The following CDH12 variants were observed in gnomAD, a reference collection of about 807,000 sequenced individuals.
CDH12 encodes the protein cadherin-12.
In CDH12, 41 loss-of-function variants were observed where a neutral mutation model predicts 74.1. The observed-to-expected ratio is 0.55, with a 90% CI of 0.43 to 0.72. The LOEUF is 0.72. Among genes scored for constraint, CDH12 ranks in the 30% least tolerant of loss-of-function variants. The pLI is 0.00. For synonymous variants in CDH12, 399 were observed against 355.0 expected, an observed-to-expected ratio of 1.12 and a Z score of -1.39; for missense variants, 945 against 977.2, an observed-to-expected ratio of 0.97 and a Z score of 0.44.
chr5:21,796,982 CA>C (rs1746815438), intron 10 of CDH12, among the ~76,000 whole-genome samples: 1 of 152,024 alleles, frequency 6.6e-6, no homozygotes, highest in African/African-American at 2.4e-5. Context: ...AACAAATATA[CA>C]GCATTAGAAA....
chr5:22,321,388 G>A (rs367975552), intron 3 of CDH12, among the ~76,000 whole-genome samples: 3 of 144,162 alleles, frequency 2.1e-5, no homozygotes, highest in East Asian at 2.0e-4. Context: ...GTAAACTATC[G>A]CAAGAACAAA....
chr5:22,714,232 T>G (rs1743447065), intron 1 of CDH12, among the ~76,000 whole-genome samples: 1 of 152,208 alleles, frequency 6.6e-6, no homozygotes, highest in Admixed American at 6.5e-5. Flanking sequence ...CACTTGATTC[T>G]AACTAGGCTG....
chr5:21,768,387 C>T (rs1216306440), intron 11 of CDH12, among the ~76,000 whole-genome samples: 1 of 151,408 alleles, frequency 6.6e-6, no homozygotes, highest in South Asian at 2.1e-4. Flanking sequence ...GATTTAGAAC[C>T]TATTTCATTA....
At position 22,463,890 on chromosome 5, in the gene CDH12, C is replaced by A. The variant is rs192700933; in HGVS notation, c.-428+41380G>T. ...TAATCATATTTACTAATATCCCCTA[C>A]ATATTAGATTCTTCTTTTAGTCTGT... On this transcript the variant is annotated intron_variant, in intron 2 of 14. Coordinates refer to ENST00000382254, the MANE Select transcript of CDH12 (RefSeq NM_004061.5). 7.9e-5 allele frequency among the ~76,000 whole-genome samples: 12 copies of A among 152,270 alleles called. No individual in the cohort carries two copies. The East Asian group carries it at 1.9e-3, about 24-fold the overall frequency.
At position 22,828,049 on chromosome 5, in the gene CDH12, A is replaced by G. The variant is rs980511358; in HGVS notation, c.-523+25009T>C. Among the ~76,000 whole-genome samples the G allele has an allele frequency of 1.1e-4, 16 of 152,198 alleles. No individual in the cohort carries two copies. The South Asian group carries it at 1.4e-3, about 14-fold the overall frequency. On this transcript the variant is annotated intron_variant, in intron 1 of 14. Transcript: ENST00000382254. ...CTGAGAAAGTCCTATAATCTGGAGAAGACTACCGCATTTGGATTATACGGT... is the reference window on the plus strand; with the variant it reads ...CTGAGAAAGTCCTATAATCTGGAGAGGACTACCGCATTTGGATTATACGGT...
At chr5:22,388,506 T>C (rs1742097397) in intron 3 of CDH12, among the ~76,000 whole-genome samples, 1 of 152,044 alleles carries the variant, frequency 6.6e-6, no homozygotes. Context: ...AACAAGGACA[T>C]TAAATAAGAT....
intron 4 of CDH12, among the ~76,000 whole-genome samples, chr5:22,079,209 A>G (rs973811270): frequency 4.6e-5 from 7 of 152,184 alleles, no homozygotes; most frequent in African/African-American, 1.7e-4. Flanking sequence ...CATTATTGAC[A>G]TCTTAGGGTT....
intron 6 of CDH12, among the ~76,000 whole-genome samples, chr5:21,922,982 A>ATC (rs1188953796): frequency 7.9e-5 from 12 of 151,812 alleles, no homozygotes; most frequent in African/African-American, 2.7e-4. Context: ...CTATATCTAT[A>ATC]TATGGAGAGA....
At position 22,075,900 on chromosome 5, in the gene CDH12, T is replaced by A. The variant is rs543401584; in HGVS notation, c.231+2546A>T. 6.6e-5 allele frequency among the ~76,000 whole-genome samples: 10 copies of A among 152,230 alleles called. No homozygotes were observed. In the East Asian group the frequency reaches 1.9e-3, roughly 29 times the overall value. ...ATACTTTCCTTTTCTATGAGTAATC[T>A]CAAAGTCTTTCTGGAATGAGTGGAA... On this transcript the variant is annotated intron_variant, in intron 5 of 14. Coordinates refer to ENST00000382254, the MANE Select transcript of CDH12 (RefSeq NM_004061.5).
At chr5:22,065,894 G>C (rs1202791056) in intron 5 of CDH12, among the ~76,000 whole-genome samples, 1 of 152,142 alleles carries the variant, frequency 6.6e-6, no homozygotes, top group Admixed American at 6.6e-5. Flanking sequence ...TCTGGTATTG[G>C]CTAGGGGGTC....
At chr5:22,604,893 C>T (rs1737021530) in intron 1 of CDH12, among the ~76,000 whole-genome samples, 1 of 152,154 alleles carries the variant, frequency 6.6e-6, no homozygotes, top group Non-Finnish European at 1.5e-5. Context: ...GGCCATTGAC[C>T]CTAGAGGGCA....
At chr5:22,623,403 AT>A (rs1314649400) in intron 1 of CDH12, among the ~76,000 whole-genome samples, 2 of 152,236 alleles carry the variant, frequency 1.3e-5, no homozygotes, top group African/African-American at 4.8e-5. Context: ...ATGATTGTAT[AT>A]TTAGAAAACC....
intron 4 of CDH12, among the ~76,000 whole-genome samples, chr5:22,138,761 C>T (rs1746599643): frequency 6.9e-6 from 1 of 145,210 alleles, no homozygotes; most frequent in Non-Finnish European, 1.5e-5. Context: ...TAATTTTGGA[C>T]ATGACACATT....
intron 4 of CDH12, among the ~76,000 whole-genome samples, chr5:22,160,589 T>C (rs1302253740): frequency 1.3e-5 from 2 of 152,310 alleles, no homozygotes; most frequent in African/African-American, 2.4e-5. Flanking sequence ...GGATAGCTTA[T>C]AAACAACATA....
At chr5:22,787,671 C>T (rs533986971) in intron 1 of CDH12, among the ~76,000 whole-genome samples, 11 of 152,036 alleles carry the variant, frequency 7.2e-5, no homozygotes, top group African/African-American at 2.7e-4. Flanking sequence ...CTAAGGGCGC[C>T]TTTGGCTCAG....
chr5:22,785,514 G>GT lies in CDH12; in HGVS notation c.-523+67543dup, dbSNP rs199882331. 1.6e-3 allele frequency among the ~76,000 whole-genome samples: 241 copies of GT among 151,998 alleles called. 4 individuals are homozygous for GT. The East Asian group carries it at 0.043, about 27-fold the overall frequency. ...TTTCTGTTATGTTTTGTTGTTGGTG[G>GT]TTTTTTGTTTTATTTATTTATTTGA... On this transcript the variant is annotated intron_variant, in intron 1 of 14. Coordinates refer to ENST00000382254, the MANE Select transcript of CDH12 (RefSeq NM_004061.5).
chr5:22,214,193 G>A (rs539638138), intron 3 of CDH12, among the ~76,000 whole-genome samples: 5 of 152,156 alleles, frequency 3.3e-5, no homozygotes, highest in African/African-American at 1.2e-4. Flanking sequence ...ACTAAGGCAG[G>A]TACTCATCCT....
chr5:21,880,679 C>CTTTCTTTCTTTA (rs1561268869), intron 6 of CDH12, among the ~76,000 whole-genome samples: 4 of 110,338 alleles, frequency 3.6e-5, no homozygotes, highest in Admixed American at 1.0e-4. Context: ...TTCTTTCTTT[C>CTTTCTTTCTTTA]TTTCTTTCTT....
chr5:22,007,782 T>G (rs1737052490), intron 5 of CDH12, among the ~76,000 whole-genome samples: 1 of 152,180 alleles, frequency 6.6e-6, no homozygotes, highest in African/African-American at 2.4e-5. Flanking sequence ...TTATACAAAA[T>G]CACACAGTAG....
Sources: gnomAD v4.1 joint callset for allele counts (sites outside exome capture counted in the v4.1 genomes callset) on GRCh38, gnomAD v4.1.1 for gene constraint, MANE v1.5 for transcripts, NCBI Gene and HGNC (gene_info 2026-07-23, HGNC 2026-07-21) for gene names.